The following AZIN2 variants were observed in gnomAD, a reference collection of about 807,000 sequenced individuals.
AZIN2 encodes antizyme inhibitor 2.
AZIN2 carries 28 observed loss-of-function variants against 47.8 expected under a neutral mutation model. That is an observed-to-expected ratio of 0.59 (90% CI 0.43 to 0.80). The LOEUF (loss-of-function observed/expected upper bound fraction) is 0.80. AZIN2 is among the 30% of genes least tolerant of loss of function. AZIN2 has a pLI of 0.00. For missense variants in AZIN2, 535 were observed against 582.5 expected (o/e 0.92, Z 0.84); for synonymous variants, 221 against 239.4 (o/e 0.92, Z 0.71).
In AZIN2 at chr1:33,120,170, G is replaced by A. The variant is rs772472480; in HGVS notation, c.1371G>A (p.Ala457=). The stretch of plus-strand genomic sequence containing the variant: ...GCGTGGGCCCTGTCTTCACCCCAGC[G>A]AGCATCATGTGAGTGGGCCTCGTTC... ...TLCVGPVFTP[A]SIM The change falls in exon 12 of 12, where the codon GCG becomes GCA. Residue 457 remains alanine, a synonymous_variant. Coordinates refer to ENST00000294517, the MANE Select transcript of AZIN2 (RefSeq NM_052998.4). 3.1e-6 allele frequency: 5 copies of A among 1,607,124 alleles called. No individual in the cohort carries two copies. Among genetic ancestry groups the A allele is most frequent in the Admixed American group, 1.7e-5 (1 of 59,850 alleles).
intron 5 of AZIN2, among the ~76,000 whole-genome samples, chr1:33,088,593 C>G (rs1248937705): frequency 6.6e-6 from 1 of 152,212 alleles, no homozygotes; most frequent in Admixed American, 6.5e-5. Context: ...CTTGGCAGCT[C>G]TGCCCCTCTC....
At chr1:33,115,181 G>C (rs1644482368) in intron 10 of AZIN2, among the ~76,000 whole-genome samples, 1 of 152,098 alleles carries the variant, frequency 6.6e-6, no homozygotes, top group Admixed American at 6.6e-5. Flanking sequence ...TGTAAAATGG[G>C]AATGCAATCA....
downstream of AZIN2, among the ~76,000 whole-genome samples, chr1:33,128,039 C>G (rs148670725): frequency 2.7e-4 from 41 of 152,156 alleles, no homozygotes; most frequent in African/African-American, 9.6e-4. Context: ...ATAGTATCTA[C>G]CTTATACCAT....
At chr1:33,158,621 C>T in the AZIN2 span, among the ~76,000 whole-genome samples, 1 of 152,214 alleles carries the variant, frequency 6.6e-6, no homozygotes, top group Non-Finnish European at 1.5e-5. Context: ...CATGGCATAA[C>T]ATATACAGAT....
downstream of AZIN2, among the ~76,000 whole-genome samples, chr1:33,124,138 C>T (rs939497735): frequency 2.0e-5 from 3 of 152,098 alleles, no homozygotes. The surrounding 1 kb of genome is among the most constrained non-coding windows in gnomAD (Gnocchi z 4.6). Flanking sequence ...TGCACTCCAG[C>T]CTAGGCGACA....
At chr1:33,151,834 T>G in the AZIN2 span, among the ~76,000 whole-genome samples, 2 of 152,244 alleles carry the variant, frequency 1.3e-5, no homozygotes, top group Non-Finnish European at 2.9e-5. Context: ...AATCACATTC[T>G]GCCCAAGCAG....
chr1:33,099,212 A>G (rs1643458031), intron 10 of AZIN2, among the ~76,000 whole-genome samples: 1 of 152,036 alleles, frequency 6.6e-6, no homozygotes, highest in South Asian at 2.1e-4. Context: ...AGGGGTCTTG[A>G]AAATCAACTC....
intron 5 of AZIN2, among the ~76,000 whole-genome samples, chr1:33,091,209 C>G (rs1357129517): frequency 6.6e-6 from 1 of 152,088 alleles, no homozygotes; most frequent in Non-Finnish European, 1.5e-5. Context: ...TGGATGTATA[C>G]CCAGTATTGG....
chr1:33,124,170 AAATAAAC>A, downstream of AZIN2, among the ~76,000 whole-genome samples: 1 of 152,266 alleles, frequency 6.6e-6, no homozygotes, highest in Non-Finnish European at 1.5e-5. This position sits in a 1 kb window ranked among gnomAD's most constrained non-coding sequence, Gnocchi z 4.6. Flanking sequence ...CATCTCAAAA[AAATAAAC>A]AATAAAAAAT....
the AZIN2 span, among the ~76,000 whole-genome samples, chr1:33,136,113 C>CCCTTCCTT: frequency 0.026 from 2,699 of 103,438 alleles, 58 homozygotes; most frequent in Admixed American, 0.032. Flanking sequence ...CAGGGGCCAG[C>CCCTTCCTT]CCTTCCTTCC....
chr1:33,094,007 A>C (rs555088397), intron 7 of AZIN2, among the ~76,000 whole-genome samples: 1 of 152,302 alleles, frequency 6.6e-6, no homozygotes, highest in Non-Finnish European at 1.5e-5. Context: ...TGCTGGGATT[A>C]CAGGTGTGAG....
At chr1:33,110,287 T>C (rs1035114545) in intron 10 of AZIN2, among the ~76,000 whole-genome samples, 4 of 152,170 alleles carry the variant, frequency 2.6e-5, no homozygotes, top group African/African-American at 9.7e-5. Context: ...ACAAATTCTC[T>C]CTGGAGGAGG....
chr1:33,086,425 G>A (rs1357406257), intron 5 of AZIN2, among the ~76,000 whole-genome samples: 2 of 152,156 alleles, frequency 1.3e-5, no homozygotes, highest in African/African-American at 4.8e-5. Context: ...AACTGCAGGG[G>A]CGAGGAGAGA....
intron 4 of AZIN2, 87 bp from the exon 5 acceptor site, chr1:33,083,867 G>C: frequency 6.6e-7 from 1 of 1,523,952 alleles, no homozygotes; most frequent in Non-Finnish European, 9.0e-7. Context: ...TACTGAACCT[G>C]GGTCAGGTAC....
At chr1:33,126,755 C>T (rs1644859484), downstream of AZIN2, among the ~76,000 whole-genome samples, 1 of 152,118 alleles carries the variant, frequency 6.6e-6, no homozygotes, top group Non-Finnish European at 1.5e-5. Context: ...GTTAGGTGAC[C>T]TTGGGGTAGG....
chr1:33,140,616 C>T, the AZIN2 span, among the ~76,000 whole-genome samples: 1 of 152,338 alleles, frequency 6.6e-6, no homozygotes, highest in Non-Finnish European at 1.5e-5. This position sits in a 1 kb window ranked among gnomAD's most constrained non-coding sequence, Gnocchi z 4.0. Flanking sequence ...CAGGGAACCC[C>T]CTTGGGCCAT....
chr1:33,114,850 C>T (rs1644466057), intron 10 of AZIN2, among the ~76,000 whole-genome samples: 1 of 151,362 alleles, frequency 6.6e-6, no homozygotes, highest in African/African-American at 2.4e-5. Context: ...GCCATGTTGG[C>T]CAGGCTGGCC....
Position 33,120,268 on chromosome 1 carries a change from C to T in AZIN2, c.*86C>T, listed in dbSNP as rs1644763300. The T allele has an allele frequency of 1.3e-6, 2 of 1,525,190 alleles. No homozygotes were observed. Among genetic ancestry groups the T allele is most frequent in the Admixed American group, 1.9e-5 (1 of 52,348 alleles). The allele number at this position is 1,525,190 out of a possible 1,614,324, so 94.5% of individuals were successfully genotyped here. A position where few individuals can be genotyped will look rare whatever the true frequency, so the allele number is the denominator to read the frequency against. ...GGGGAAGATGGCAGGCAAGGGTACCCTTGGCCAGGACTCTGGTGCCCACCC... is the reference window on the plus strand; with the variant it reads ...GGGGAAGATGGCAGGCAAGGGTACCTTTGGCCAGGACTCTGGTGCCCACCC... On this transcript the variant is annotated 3_prime_UTR_variant, in exon 12 of 12. Coordinates refer to ENST00000294517, the MANE Select transcript of AZIN2 (RefSeq NM_052998.4).
At chr1:33,114,554 C>T (rs953102113) in intron 10 of AZIN2, among the ~76,000 whole-genome samples, 1 of 151,228 alleles carries the variant, frequency 6.6e-6, no homozygotes, top group Non-Finnish European at 1.5e-5. Context: ...GGGGTTTCAC[C>T]GTGTTAGCCA....
Sources: gnomAD v4.1 joint callset for allele counts (sites outside exome capture counted in the v4.1 genomes callset) on GRCh38, gnomAD v4.1.1 for gene constraint, Gnocchi (gnomAD v3.1) non-coding constraint, MANE v1.5 for transcripts, NCBI Gene and HGNC (gene_info 2026-07-23, HGNC 2026-07-21) for gene names.